The following TASP1 variants were observed in gnomAD, a reference collection of about 807,000 sequenced individuals.
TASP1 encodes threonine aspartase 1.
A neutral mutation model predicts 56.6 loss-of-function variants in TASP1; 16 were observed. That is an observed-to-expected ratio of 0.28 (90% CI 0.19 to 0.43). The LOEUF (loss-of-function observed/expected upper bound fraction) is 0.43. Ranked by LOEUF, TASP1 falls within the 20% of genes least tolerant of loss-of-function variation. The pLI, the probability that TASP1 is intolerant of heterozygous loss-of-function variation, is 1.00. For synonymous variants in TASP1, 179 were observed against 184.2 expected (o/e 0.97, Z 0.23); for missense variants, 393 against 511.6 (o/e 0.77, Z 2.24).
chr20:13,524,471 C>G (rs953825019), intron 10 of TASP1, among the ~76,000 whole-genome samples: 1 of 152,006 alleles, frequency 6.6e-6, no homozygotes, highest in African/African-American at 2.4e-5. Flanking sequence ...AGGGAGGACC[C>G]ACACATACAT....
chr20:13,481,566 C>A (rs1025115719), intron 11 of TASP1, among the ~76,000 whole-genome samples: 10 of 152,176 alleles, frequency 6.6e-5, no homozygotes, highest in Non-Finnish European at 1.0e-4. Flanking sequence ...CTTTTCTCTG[C>A]ATCTTCACCA....
the TASP1 span, among the ~76,000 whole-genome samples, chr20:13,306,009 T>C: frequency 6.6e-6 from 1 of 152,166 alleles, no homozygotes; most frequent in Non-Finnish European, 1.5e-5. Context: ...TTTTATGACT[T>C]TGCTAATTTT....
intron 11 of TASP1, among the ~76,000 whole-genome samples, chr20:13,459,360 T>C (rs1335399948): frequency 1.3e-5 from 2 of 152,126 alleles, no homozygotes; most frequent in Non-Finnish European, 2.9e-5. Flanking sequence ...CAAGTCCTCA[T>C]TTTGGCCCTA....
chr20:13,179,121 C>G, the TASP1 span, among the ~76,000 whole-genome samples: 1 of 151,996 alleles, frequency 6.6e-6, no homozygotes, highest in Non-Finnish European at 1.5e-5. Context: ...ATTGAGGATA[C>G]TACAAAGATT....
At chr20:13,436,860 G>A (rs558488689) in intron 11 of TASP1, among the ~76,000 whole-genome samples, 1 of 152,214 alleles carries the variant, frequency 6.6e-6, no homozygotes, top group Non-Finnish European at 1.5e-5. Context: ...ATACACTAAA[G>A]GTTTTTAGTT....
intron 4 of TASP1, among the ~76,000 whole-genome samples, chr20:13,599,667 A>G (rs1010932361): frequency 6.6e-6 from 1 of 152,102 alleles, no homozygotes; most frequent in Non-Finnish European, 1.5e-5. Context: ...CCTAGAACTT[A>G]AAGTATAATT....
chr20:13,202,009 T>G, the TASP1 span, among the ~76,000 whole-genome samples: 5 of 152,276 alleles, frequency 3.3e-5, no homozygotes, highest in African/African-American at 1.2e-4. Flanking sequence ...TGTGTCGGCC[T>G]TCCACAGTGC....
chr20:13,346,119 G>C, the TASP1 span, among the ~76,000 whole-genome samples: 1 of 152,048 alleles, frequency 6.6e-6, no homozygotes, highest in East Asian at 1.9e-4. Context: ...TGTTTAAGTT[G>C]GGAAAGAGAG....
chr20:13,255,140 A>G, the TASP1 span, among the ~76,000 whole-genome samples: 1 of 152,236 alleles, frequency 6.6e-6, no homozygotes, highest in East Asian at 1.9e-4. Context: ...AAAGGGTGGG[A>G]AAGAACACTG....
chr20:13,336,219 C>T, the TASP1 span, among the ~76,000 whole-genome samples: 17,655 of 152,216 alleles, frequency 0.12, 1,202 homozygotes, highest in Admixed American at 0.18. Context: ...CATAGGGCCC[C>T]GCATTCAGAA....
At chr20:13,478,374 C>T (rs6033721) in intron 11 of TASP1, among the ~76,000 whole-genome samples, 4,630 of 151,492 alleles carry the variant, frequency 0.031, 80 homozygotes, top group Middle Eastern at 0.037. Flanking sequence ...CACACACACA[C>T]GAATACTATT....
chr20:13,511,304 C>A (rs889044332), intron 10 of TASP1, among the ~76,000 whole-genome samples: 2 of 151,782 alleles, frequency 1.3e-5, no homozygotes, highest in Non-Finnish European at 2.9e-5. Context: ...AATGAAGCAA[C>A]GGAGCAAGCA....
At chr20:13,608,068 G>A (rs1023908396) in intron 4 of TASP1, among the ~76,000 whole-genome samples, 7 of 152,154 alleles carry the variant, frequency 4.6e-5, no homozygotes, top group African/African-American at 1.4e-4. Flanking sequence ...AAAAGCTTTC[G>A]AAATGAACTT....
chr20:13,111,624 A>G, the TASP1 span, among the ~76,000 whole-genome samples: 2 of 152,188 alleles, frequency 1.3e-5, no homozygotes, highest in African/African-American at 2.4e-5. Context: ...TCAAGCATGG[A>G]TCTTTTTCCC....
At chr20:13,367,955 T>A in the TASP1 span, among the ~76,000 whole-genome samples, 1 of 152,182 alleles carries the variant, frequency 6.6e-6, no homozygotes, top group Admixed American at 6.5e-5. Context: ...GGGTCCTGCA[T>A]CTCCAAATGG....
At chr20:13,632,321 C>T (rs1392231003) in intron 1 of TASP1, among the ~76,000 whole-genome samples, 2 of 146,726 alleles carry the variant, frequency 1.4e-5, no homozygotes, top group Non-Finnish European at 3.0e-5. Context: ...GCAGAGATCA[C>T]GCCACTGCAC....
At chr20:13,468,785 G>C (rs757849214) in intron 11 of TASP1, among the ~76,000 whole-genome samples, 6 of 151,300 alleles carry the variant, frequency 4.0e-5, no homozygotes, top group Non-Finnish European at 7.4e-5. Flanking sequence ...AAAGCTTTTT[G>C]ATCACCTAAT....
chr20:13,223,933 C>A, the TASP1 span, among the ~76,000 whole-genome samples: 2 of 151,920 alleles, frequency 1.3e-5, no homozygotes, highest in South Asian at 4.1e-4. Context: ...TTAGAATAAC[C>A]CGGGGTTGGC....
intron 3 of TASP1, among the ~76,000 whole-genome samples, chr20:13,624,061 G>A (rs2048805984): frequency 1.3e-5 from 2 of 152,184 alleles, no homozygotes; most frequent in South Asian, 4.1e-4. Flanking sequence ...AAACTACACA[G>A]ACTAAAGGTC....
Sources: allele counts gnomAD v4.1 joint callset (sites outside exome capture counted in the v4.1 genomes callset), GRCh38; gene constraint gnomAD v4.1.1; transcripts MANE v1.5; gene names NCBI Gene and HGNC (gene_info 2026-07-23, HGNC 2026-07-21).